BNIP2: variants seen among roughly 807,000 people sequenced by gnomAD.
BNIP2 encodes the protein BCL2 interacting protein 2.
A neutral mutation model predicts 43.4 loss-of-function variants in BNIP2; 36 were observed. The observed-to-expected ratio is 0.83, with a 90% CI of 0.64 to 1.10. The LOEUF (loss-of-function observed/expected upper bound fraction) is 1.10. Among genes scored for constraint, BNIP2 ranks in the 50% least tolerant of loss-of-function variants. The pLI is 0.00. For missense variants in BNIP2, 417 were observed against 374.1 expected, an observed-to-expected ratio of 1.11 and a Z score of -0.95; for synonymous variants, 146 against 121.0, an observed-to-expected ratio of 1.21 and a Z score of -1.35.
intron 9 of BNIP2, among the ~76,000 whole-genome samples, chr15:59,667,553 T>TA (rs1436097241): frequency 6.6e-6 from 1 of 152,248 alleles, no homozygotes; most frequent in African/African-American, 2.4e-5. Flanking sequence ...GTTTAACTGT[T>TA]AAATGGGACA....
chr15:59,666,826 A>C (rs1165894195), intron 9 of BNIP2, among the ~76,000 whole-genome samples: 1 of 88,540 alleles, frequency 1.1e-5, no homozygotes, highest in Non-Finnish European at 2.5e-5. Flanking sequence ...GTTAAACACA[A>C]GTAAAAAAAA....
chr15:59,678,590 T>A (rs1893459545), intron 4 of BNIP2: 1 of 1,120,912 alleles, frequency 8.9e-7, no homozygotes, highest in African/African-American at 1.7e-5. Flanking sequence ...AGAAATGTAT[T>A]TATAATACTT....
Position 59,662,108 on chromosome 15 carries a change from A to G in BNIP2, c.*1961T>C, listed in dbSNP as rs1345652106. The G allele has an allele frequency of 6.6e-6, 1 of 152,240 alleles. No homozygotes were observed. The highest frequency in any genetic ancestry group is 1.5e-5 in the Non-Finnish European group (1 of 68,034). 9.4% of individuals were successfully genotyped at this position (152,240 alleles called of 1,614,324 possible). ...CAAAAATCAAAATAATGCAAAAAAG[A>G]GTTGAAGTTATTCTTCATATTTTTT... On this transcript the variant is annotated 3_prime_UTR_variant, in exon 10 of 10. Transcript: ENST00000607373.
rs1892282233 is a variant in BNIP2, at chr15:59,661,673, T to A, written c.*2396A>T. ...GAAGCATCAAATTAAGCCAGTTAAATTAGATCCATGATCCCAACAGAAAGA... is the reference window on the plus strand; with the variant it reads ...GAAGCATCAAATTAAGCCAGTTAAAATAGATCCATGATCCCAACAGAAAGA... On this transcript the variant is annotated 3_prime_UTR_variant, in exon 10 of 10. Transcript: ENST00000607373. 6.6e-6 allele frequency: 1 copy of A among 152,160 alleles called. No individual in the cohort carries two copies. 9.4% of individuals were successfully genotyped at this position (152,160 alleles called of 1,614,324 possible).
At position 59,688,710 on chromosome 15, in the gene BNIP2, T is replaced by A. The variant is rs1460772846; in HGVS notation, c.-58+425A>T. ...TTACTTATGCTGCTTCCGTGTCTAT[T>A]CCCCGCGGTTACGAGGCATACCAGA... On this transcript the variant is annotated intron_variant, in intron 1 of 9. Coordinates refer to ENST00000607373, the MANE Select transcript of BNIP2 (RefSeq NM_004330.4). 2.0e-6 allele frequency: 3 copies of A among 1,535,580 alleles called. No homozygotes were observed. The Admixed American group carries it at 5.9e-5, about 30-fold the overall frequency.
intron 3 of BNIP2, 40 bp downstream of exon 3, chr15:59,680,201 A>T: frequency 7.1e-7 from 1 of 1,410,000 alleles, no homozygotes; most frequent in African/African-American, 1.5e-5. Flanking sequence ...AAATAACACA[A>T]AGTCCATAAT....
rs142802280 is a variant in BNIP2 at position 59,680,291 on chromosome 15, T to C, written c.68A>G (p.Asp23Gly). The part of the protein sequence containing the change: ...EDFPIPLPED[D>G]SIEADILAIT... ...AGCTAGTATATCTGCTTCAATACTA[T>C]CATCTTCTGGTAAAGGTCTAGAAGA... The change falls in exon 3 of 10, where the codon GAT (aspartate) becomes GGT (glycine). Residue 23 changes from aspartate (D) to glycine (G), a missense_variant. Physicochemically the swap from Asp to Gly is moderately conservative, Grantham distance 94. Transcript: ENST00000607373. 50 of 1,602,808 alleles carry C rather than the reference T, an allele frequency of 3.1e-5. No homozygotes were observed. The African/African-American group carries it at 4.1e-4, about 13-fold the overall frequency.
Position 59,671,215 on chromosome 15 carries a change from C to A in BNIP2, c.675G>T (p.Trp225Cys). The change falls in exon 7 of 10, where the codon TGG becomes TGT. Residue 225 changes from tryptophan (W) to cysteine (C), a missense_variant. Trp to Cys is a radical substitution (Grantham distance 215). Coordinates refer to ENST00000607373, the MANE Select transcript of BNIP2 (RefSeq NM_004330.4). ...TTRRKMPSLGWLRKCYQQIDR... is the reference protein window; with the variant it reads ...TTRRKMPSLGCLRKCYQQIDR... ...CAATTTGCTGATAACATTTCCTGAG[C>A]CATCCCAGACTGGGCATTTTTCTTC... 6.2e-7 allele frequency: 1 copy of A among 1,601,524 alleles called. No individual in the cohort carries two copies. The highest frequency in any genetic ancestry group is 8.5e-7 in the Non-Finnish European group (1 of 1,173,110).
chr15:59,679,194 T>A (rs926801644), intron 4 of BNIP2: 2 of 183,120 alleles, frequency 1.1e-5, no homozygotes, highest in Admixed American at 1.1e-4. Flanking sequence ...TATACATTAA[T>A]TTAAGTTGGT....
At chr15:59,672,905 T>C (rs1893025449) in intron 5 of BNIP2, among the ~76,000 whole-genome samples, 166 bp from the exon 6 acceptor site, 2 of 152,176 alleles carry the variant, frequency 1.3e-5, no homozygotes, top group Non-Finnish European at 1.5e-5. Flanking sequence ...AGAATTTTAA[T>C]GTCTTCTTCC....
intron 2 of BNIP2, among the ~76,000 whole-genome samples, chr15:59,681,676 G>A (rs1298230558): frequency 6.6e-6 from 1 of 151,852 alleles, no homozygotes; most frequent in Non-Finnish European, 1.5e-5. Context: ...CAAACTCCTG[G>A]CCTCAAGTGA....
chr15:59,663,094 TG>T lies in BNIP2; in HGVS notation c.*974del, dbSNP rs1892363004. On this transcript the variant is annotated 3_prime_UTR_variant, in exon 10 of 10. Transcript: ENST00000607373. ...TCAAATAATTGATATGGAAGTATTT[TG>T]GTAAAGTGCCCATAGTGAGAGTTTA... 6.6e-6 allele frequency: 1 copy of T among 152,670 alleles called. No homozygotes were observed. The highest frequency in any genetic ancestry group is 1.5e-5 in the Non-Finnish European group (1 of 68,038). The allele number at this position is 152,670 out of a possible 1,614,324, so 9.5% of individuals were successfully genotyped here. A position where few individuals can be genotyped will look rare whatever the true frequency, so the allele number is the denominator to read the frequency against.
intron 6 of BNIP2, among the ~76,000 whole-genome samples, chr15:59,672,038 T>C (rs1280223648): frequency 6.6e-6 from 1 of 152,160 alleles, no homozygotes; most frequent in Non-Finnish European, 1.5e-5. Context: ...GTTGTACCAC[T>C]GCACTCCAGC....
rs912354553 is a variant in BNIP2 at position 59,659,924 on chromosome 15, A to G, written c.*4145T>C. On this transcript the variant is annotated 3_prime_UTR_variant, in exon 10 of 10. Transcript: ENST00000607373. ...GTCACTCCTTACTGTTAAACATGCC[A>G]GACTACTTTATTTTCAATTATCCTT... 6.6e-6 allele frequency: 1 copy of G among 152,186 alleles called. No individual in the cohort carries two copies. The highest frequency in any genetic ancestry group is 1.5e-5 in the Non-Finnish European group (1 of 68,030). 9.4% of individuals were successfully genotyped at this position (152,186 alleles called of 1,614,324 possible).
intron 1 of BNIP2, among the ~76,000 whole-genome samples, chr15:59,688,249 G>T (rs1439707541): frequency 6.6e-6 from 1 of 152,182 alleles, no homozygotes; most frequent in Non-Finnish European, 1.5e-5. Context: ...AAGGTCAGTT[G>T]TAACTTTGAG....
intron 1 of BNIP2, among the ~76,000 whole-genome samples, chr15:59,682,890 C>T (rs1290335857): frequency 6.6e-6 from 1 of 151,976 alleles, no homozygotes; most frequent in African/African-American, 2.4e-5. Flanking sequence ...TTTTCTGTCC[C>T]TTGGATAGAG....
Position 59,689,139 on chromosome 15 carries a change from G to A in BNIP2, c.-62C>T. On this transcript the variant is annotated 5_prime_UTR_variant, in exon 1 of 10. Coordinates refer to ENST00000607373, the MANE Select transcript of BNIP2 (RefSeq NM_004330.4). ...GTTCTCCCAGGCCGCACTCACCCCG[G>A]AGGAAGCCTTGGCCCCCTCGTCCTC... 1.3e-6 allele frequency: 2 copies of A among 1,536,820 alleles called. No individual in the cohort carries two copies. Among genetic ancestry groups the A allele is most frequent in the South Asian group, 1.2e-5 (1 of 83,918 alleles).
At position 59,660,637 on chromosome 15, in the gene BNIP2, C is replaced by T. The variant is rs1461167733; in HGVS notation, c.*3432G>A. The T allele has an allele frequency of 6.6e-6, 1 of 152,168 alleles. No homozygotes were observed. The highest frequency in any genetic ancestry group is 1.5e-5 in the Non-Finnish European group (1 of 68,024). The allele number at this position is 152,168 out of a possible 1,614,324, so 9.4% of individuals were successfully genotyped here. On this transcript the variant is annotated 3_prime_UTR_variant, in exon 10 of 10. Coordinates refer to ENST00000607373, the MANE Select transcript of BNIP2 (RefSeq NM_004330.4). Reference sequence around the variant, plus strand: ...AAGGCCTCTATCAAAAAGCAGATCTCTTACCTTTTTAAATTCTGGAATTAC... The same window carrying T: ...AAGGCCTCTATCAAAAAGCAGATCTTTTACCTTTTTAAATTCTGGAATTAC...
At position 59,689,198 on chromosome 15, in the gene BNIP2, G is replaced by A; in HGVS notation, c.-121C>T. The A allele has an allele frequency of 1.3e-6, 2 of 1,539,696 alleles. No individual in the cohort carries two copies. Among genetic ancestry groups the A allele is most frequent in the South Asian group, 1.2e-5 (1 of 84,014 alleles). ...TCCAGGCCGGCGACGTGGGGCTGAC[G>A]GCCAGGTCGCAAAAAGCAGGGCCGA... On this transcript the variant is annotated 5_prime_UTR_variant, in exon 1 of 10. Coordinates refer to ENST00000607373, the MANE Select transcript of BNIP2 (RefSeq NM_004330.4).
Sources: allele counts gnomAD v4.1 joint callset (sites outside exome capture counted in the v4.1 genomes callset), GRCh38; gene constraint gnomAD v4.1.1; transcripts MANE v1.5; gene names NCBI Gene and HGNC (gene_info 2026-07-23, HGNC 2026-07-21).